The following SLC36A1 variants were observed in gnomAD, a reference collection of about 807,000 sequenced individuals.
SLC36A1 encodes solute carrier family 36 member 1, also known as proton-coupled amino acid transporter 1.
In SLC36A1, 30 loss-of-function variants were observed where a neutral mutation model predicts 47.5. The ratio of observed to expected loss-of-function variants is 0.63; its 90% CI spans 0.47 to 0.86. The LOEUF is 0.86. Ranked by LOEUF, SLC36A1 falls within the 40% of genes least tolerant of loss-of-function variation. The pLI is 0.00. For missense variants in SLC36A1, 517 were observed against 606.0 expected, an observed-to-expected ratio of 0.85 and a Z score of 1.54; for synonymous variants, 255 against 249.7, an observed-to-expected ratio of 1.02 and a Z score of -0.20.
upstream of SLC36A1, among the ~76,000 whole-genome samples, chr5:151,434,293 A>G (rs550865949): frequency 2.0e-5 from 3 of 152,362 alleles, no homozygotes; most frequent in East Asian, 3.9e-4. Context: ...GAAGATATGT[A>G]CAAGGAGAAA....
intron 7 of SLC36A1, among the ~76,000 whole-genome samples, chr5:151,469,921 A>C (rs746689283): frequency 6.6e-6 from 1 of 152,210 alleles, no homozygotes; most frequent in Admixed American, 6.5e-5. Context: ...CCAGGAAGAC[A>C]GTGGCTCATA....
chr5:151,550,612 G>A, the SLC36A1 span: 3 of 1,614,148 alleles, frequency 1.9e-6, no homozygotes, highest in Middle Eastern at 1.7e-4. Flanking sequence ...TGTGTGCTGG[G>A]AGGGCCCCGA....
the SLC36A1 span, among the ~76,000 whole-genome samples, chr5:151,421,878 C>G: frequency 6.6e-6 from 1 of 152,212 alleles, no homozygotes; most frequent in Admixed American, 6.5e-5. Context: ...GTGTGAGCCA[C>G]CGCGCCCGGC....
chr5:151,464,958 G>T, intron 4 of SLC36A1, 116 bp from the exon 5 acceptor site: 1 of 786,270 alleles, frequency 1.3e-6, no homozygotes, highest in Non-Finnish European at 2.2e-6. Context: ...ACTCAGAGTG[G>T]TACCTCCAGG....
At chr5:151,551,044 A>T in the SLC36A1 span, among the ~76,000 whole-genome samples, 6 of 152,324 alleles carry the variant, frequency 3.9e-5, no homozygotes, top group East Asian at 9.6e-4. Context: ...AGACCTTCAG[A>T]TGCTGCACAG....
chr5:151,479,580 G>A (rs994328907), intron 10 of SLC36A1, 91 bp downstream of exon 10: 2 of 1,467,530 alleles, frequency 1.4e-6, no homozygotes, highest in African/African-American at 2.8e-5. Flanking sequence ...GTGTGTTGTA[G>A]TGAAGCTGGC....
chr5:151,467,122 C>A (rs1402627091), intron 5 of SLC36A1, 77 bp from the exon 6 acceptor site: 1 of 1,197,240 alleles, frequency 8.4e-7, no homozygotes, highest in Non-Finnish European at 1.2e-6. Flanking sequence ...AAAACAAAAA[C>A]AAAAAACACC....
chr5:151,384,816 A>T, the SLC36A1 span, among the ~76,000 whole-genome samples: 1 of 152,172 alleles, frequency 6.6e-6, no homozygotes, highest in Non-Finnish European at 1.5e-5. Context: ...ACCTCACAGT[A>T]TAAGCCATTC....
chr5:151,517,941 G>A, the SLC36A1 span, among the ~76,000 whole-genome samples: 1 of 152,184 alleles, frequency 6.6e-6, no homozygotes, highest in Non-Finnish European at 1.5e-5. Context: ...CACACGTAGA[G>A]CCAGACAGGA....
At chr5:151,431,869 A>G in the SLC36A1 span, among the ~76,000 whole-genome samples, 2 of 152,240 alleles carry the variant, frequency 1.3e-5, no homozygotes, top group African/African-American at 4.8e-5. Context: ...GAGCAAGAAT[A>G]GCTTTGGCAT....
intron 5 of SLC36A1, 81 bp from the exon 6 acceptor site, chr5:151,467,118 A>G (rs1327774470): frequency 1.7e-6 from 2 of 1,142,916 alleles, no homozygotes; most frequent in Non-Finnish European, 2.6e-6. Context: ...TTAAAAAACA[A>G]AAACAAAAAA....
the SLC36A1 span, among the ~76,000 whole-genome samples, chr5:151,555,066 T>C: frequency 6.6e-6 from 1 of 152,156 alleles, no homozygotes; most frequent in East Asian, 1.9e-4. Flanking sequence ...AGGGAATGAG[T>C]GGTACTTTTT....
intron 9 of SLC36A1, 123 bp downstream of exon 9, chr5:151,476,879 C>A: frequency 8.1e-7 from 1 of 1,229,418 alleles, no homozygotes; most frequent in Non-Finnish European, 1.2e-6. Context: ...GCCCACCATC[C>A]CCTGCCACTG....
At chr5:151,376,530 T>G in the SLC36A1 span, among the ~76,000 whole-genome samples, 9 of 152,218 alleles carry the variant, frequency 5.9e-5, no homozygotes, top group Non-Finnish European at 1.0e-4. Context: ...TGGTGATCTT[T>G]CTATTTTGTT....
chr5:151,446,806 A>G (rs1752950875), upstream of SLC36A1, among the ~76,000 whole-genome samples: 1 of 152,164 alleles, frequency 6.6e-6, no homozygotes, highest in African/African-American at 2.4e-5. Flanking sequence ...GTGCAATTCA[A>G]GTTCATTATT....
upstream of SLC36A1, chr5:151,447,594 T>A (rs1317971934): frequency 6.6e-6 from 1 of 152,360 alleles, no homozygotes; most frequent in African/African-American, 2.4e-5. Flanking sequence ...GGCGGTGGGA[T>A]CACGTGATGA....
At chr5:151,361,607 G>A in the SLC36A1 span, among the ~76,000 whole-genome samples, 1 of 152,160 alleles carries the variant, frequency 6.6e-6, no homozygotes, top group South Asian at 2.1e-4. Flanking sequence ...GTTATGAGTG[G>A]ATTGCATACC....
the SLC36A1 span, among the ~76,000 whole-genome samples, chr5:151,520,936 G>A: frequency 6.6e-6 from 1 of 152,260 alleles, no homozygotes; most frequent in Admixed American, 6.5e-5. Flanking sequence ...AAGGCACAGA[G>A]AGGTTAATTT....
At chr5:151,379,318 TA>T in the SLC36A1 span, among the ~76,000 whole-genome samples, 13 of 152,210 alleles carry the variant, frequency 8.5e-5, no homozygotes, top group Admixed American at 7.9e-4. Context: ...AATTGAAATT[TA>T]TAGGTTTTCT....
Sources: gnomAD v4.1 joint callset for allele counts (sites outside exome capture counted in the v4.1 genomes callset) on GRCh38, gnomAD v4.1.1 for gene constraint, MANE v1.5 for transcripts, NCBI Gene and HGNC (gene_info 2026-07-23, HGNC 2026-07-21) for gene names.